ANXA4: variants seen among roughly 807,000 people sequenced by gnomAD.
ANXA4 encodes annexin A4.
A neutral mutation model predicts 49.8 loss-of-function variants in ANXA4; 39 were observed. That is an observed-to-expected ratio of 0.78 (90% CI 0.61 to 1.02). The LOEUF is 1.02. Ranked by LOEUF, ANXA4 falls within the 50% of genes least tolerant of loss-of-function variation. The pLI is 0.00. For synonymous variants in ANXA4, 134 were observed against 152.5 expected (o/e 0.88, Z 0.89); for missense variants, 360 against 410.1 (o/e 0.88, Z 1.05).
At chr2:69,778,501 C>T (rs1171777955) in intron 1 of ANXA4, among the ~76,000 whole-genome samples, 4 of 152,122 alleles carry the variant, frequency 2.6e-5, no homozygotes, top group African/African-American at 7.2e-5. Context: ...TTGGGCTGGG[C>T]GCGGTGGTTC....
chr2:69,804,159 AT>A lies in ANXA4; in HGVS notation c.98-373del, dbSNP rs1368582840. Among the ~76,000 whole-genome samples, 364 of 145,256 alleles carry A rather than the reference AT, an allele frequency of 2.5e-3. 1 individual carries two copies. The highest frequency in any genetic ancestry group is 3.1e-3 in the Non-Finnish European group (211 of 67,334). On this transcript the variant is annotated intron_variant, in intron 3 of 12. Coordinates refer to ENST00000394295, the MANE Select transcript of ANXA4 (RefSeq NM_001153.5). ...TCTCAAAAAAAAAAAAAAAAAAAAAATATTCTAGAGGAGAGAAAAAATTACT... is the reference window on the plus strand; with the variant it reads ...TCTCAAAAAAAAAAAAAAAAAAAAAAATTCTAGAGGAGAGAAAAAATTACT...
chr2:69,745,719 T>TG (rs1670583968), intron 1 of ANXA4, among the ~76,000 whole-genome samples: 1 of 151,648 alleles, frequency 6.6e-6, no homozygotes. Context: ...TTAGTAGAGG[T>TG]GGGGTTTCAC....
At chr2:69,710,622 T>A (rs1678646530) in intron 2 of ANXA4, among the ~76,000 whole-genome samples, 1 of 152,092 alleles carries the variant, frequency 6.6e-6, no homozygotes, top group Non-Finnish European at 1.5e-5. Context: ...AAAAGACAAA[T>A]GAGTCAATTT....
At chr2:69,804,432 C>T in intron 3 of ANXA4, 101 bp from the exon 4 acceptor site, 2 of 1,000,252 alleles carry the variant, frequency 2.0e-6, no homozygotes, top group Non-Finnish European at 3.0e-6. Context: ...TCTTAGAAAG[C>T]CCTCTGCATG....
At chr2:69,717,730 G>A (rs545848245) in intron 2 of ANXA4, among the ~76,000 whole-genome samples, 1 of 152,296 alleles carries the variant, frequency 6.6e-6, no homozygotes, top group South Asian at 2.1e-4. Context: ...TGCCTCTGCA[G>A]CAGATGCCCT....
intron 1 of ANXA4, among the ~76,000 whole-genome samples, chr2:69,768,186 C>G (rs1559165767): frequency 6.6e-6 from 1 of 152,072 alleles, no homozygotes. Context: ...CATGTCCAGT[C>G]CACTGGAAAA....
At chr2:69,759,068 G>A (rs928700970) in intron 1 of ANXA4, among the ~76,000 whole-genome samples, 2 of 151,358 alleles carry the variant, frequency 1.3e-5, no homozygotes, top group Non-Finnish European at 2.9e-5. Flanking sequence ...CACGGGAGGC[G>A]GAGGTTTCAG....
intron 2 of ANXA4, among the ~76,000 whole-genome samples, chr2:69,672,117 T>C (rs2105343118): frequency 6.6e-6 from 1 of 152,346 alleles, no homozygotes; most frequent in East Asian, 1.9e-4. Context: ...CCATTATTTA[T>C]AGATTGGAGA....
At chr2:69,669,594 GA>G (rs1373021470) in intron 2 of ANXA4, among the ~76,000 whole-genome samples, 3 of 151,184 alleles carry the variant, frequency 2.0e-5, no homozygotes, top group Non-Finnish European at 4.4e-5. Flanking sequence ...CTGGGCGACA[GA>G]GTGAGACTCC....
chr2:69,667,754 C>T (rs190910733), intron 2 of ANXA4, among the ~76,000 whole-genome samples: 2 of 152,200 alleles, frequency 1.3e-5, no homozygotes, highest in South Asian at 4.1e-4. Flanking sequence ...TTTTATTGCT[C>T]CCAAGGCCAT....
chr2:69,739,550 C>T (rs1271314148), upstream of ANXA4, among the ~76,000 whole-genome samples: 11 of 151,580 alleles, frequency 7.3e-5, no homozygotes, highest in Admixed American at 3.3e-4. Context: ...GGACTAGAGG[C>T]GTGCGTCACT....
At chr2:69,749,759 T>C (rs558373410) in intron 1 of ANXA4, among the ~76,000 whole-genome samples, 1 of 149,972 alleles carries the variant, frequency 6.7e-6, no homozygotes, top group African/African-American at 2.5e-5. Context: ...ACCCCGTCTC[T>C]TACTAAAAAA....
chr2:69,687,792 C>T (rs549361548), intron 2 of ANXA4, among the ~76,000 whole-genome samples: 1 of 152,306 alleles, frequency 6.6e-6, no homozygotes, highest in African/African-American at 2.4e-5. Flanking sequence ...CCGCGCCCAG[C>T]TTACAACTAT....
chr2:69,686,841 C>T (rs1236213986), intron 2 of ANXA4, among the ~76,000 whole-genome samples: 1 of 152,212 alleles, frequency 6.6e-6, no homozygotes, highest in Non-Finnish European at 1.5e-5. Context: ...CAAGTTTGTG[C>T]ACATGGGCTC....
intron 2 of ANXA4, among the ~76,000 whole-genome samples, chr2:69,694,364 T>TA (rs1678084421): frequency 7.7e-6 from 1 of 130,520 alleles, no homozygotes; most frequent in Non-Finnish European, 1.7e-5. Flanking sequence ...ACAATACATT[T>TA]CTTTTTTTTT....
chr2:69,745,600 A>C (rs900568399), intron 1 of ANXA4, among the ~76,000 whole-genome samples: 3 of 151,376 alleles, frequency 2.0e-5, no homozygotes, highest in Non-Finnish European at 4.4e-5. Flanking sequence ...GTGCCATCTC[A>C]GCTCACTGCA....
chr2:69,765,247 A>C (rs999224500), intron 1 of ANXA4, among the ~76,000 whole-genome samples: 3 of 152,200 alleles, frequency 2.0e-5, no homozygotes, highest in Non-Finnish European at 4.4e-5. Flanking sequence ...TATACCTAGA[A>C]GTGGAATTGT....
At chr2:69,667,643 T>A (rs1056092495) in intron 2 of ANXA4, among the ~76,000 whole-genome samples, 2 of 152,200 alleles carry the variant, frequency 1.3e-5, no homozygotes, top group African/African-American at 2.4e-5. Context: ...TTTGTCTCTT[T>A]TGTCCTTTTC....
In ANXA4 at chr2:69,692,260, C is replaced by T. The variant is rs1000337582; in HGVS notation, n.767-28514C>T. On this transcript the variant is annotated intron_variant and non_coding_transcript_variant, in intron 2 of 3. Coordinates refer to the ANXA4 transcript ENST00000418066. Reference sequence around the variant, plus strand: ...CACAGTAAGGAGATCTAACATATGGCATTATAAAATATGAATTTGGGCATG... The same window carrying T: ...CACAGTAAGGAGATCTAACATATGGTATTATAAAATATGAATTTGGGCATG... 2.0e-5 allele frequency among the ~76,000 whole-genome samples: 3 copies of T among 152,280 alleles called. No homozygotes were observed. In the South Asian group the frequency reaches 6.2e-4, roughly 32 times the overall value.
Sources: allele counts gnomAD v4.1 joint callset (sites outside exome capture counted in the v4.1 genomes callset), GRCh38; gene constraint gnomAD v4.1.1; transcripts MANE v1.5; gene names NCBI Gene and HGNC (gene_info 2026-07-23, HGNC 2026-07-21).